Variants in RALGAPA1 observed in about 807,000 individuals in gnomAD.
RALGAPA1 encodes ral GTPase-activating protein subunit alpha-1.
In RALGAPA1, 52 loss-of-function variants were observed where a neutral mutation model predicts 269.6. The ratio of observed to expected loss-of-function variants is 0.19; its 90% CI spans 0.15 to 0.24. The LOEUF is 0.24. Among genes scored for constraint, RALGAPA1 ranks in the 10% least tolerant of loss-of-function variants. RALGAPA1 has a pLI of 1.00. For missense variants in RALGAPA1, 1,917 were observed against 3,013.9 expected, an observed-to-expected ratio of 0.64 and a Z score of 8.52; for synonymous variants, 817 against 1,008.3, an observed-to-expected ratio of 0.81 and a Z score of 3.60.
intron 26 of RALGAPA1, among the ~76,000 whole-genome samples, chr14:35,667,393 T>A (rs1205219789): frequency 6.6e-6 from 1 of 152,048 alleles, no homozygotes; most frequent in Non-Finnish European, 1.5e-5. Context: ...CGAGACTCCA[T>A]CTCAAACAAC....
At chr14:35,638,023 T>C (rs1364650683) in intron 31 of RALGAPA1, among the ~76,000 whole-genome samples, 5 of 152,160 alleles carry the variant, frequency 3.3e-5, no homozygotes. Flanking sequence ...AAACAAAAGC[T>C]GAGGGATTTC....
At chr14:35,730,649 G>A (rs965181659) in intron 12 of RALGAPA1, among the ~76,000 whole-genome samples, 1 of 149,538 alleles carries the variant, frequency 6.7e-6, no homozygotes, top group African/African-American at 2.4e-5. Flanking sequence ...TAACTCAGCA[G>A]AGGCAGCCAT....
intron 13 of RALGAPA1, among the ~76,000 whole-genome samples, chr14:35,725,701 C>CAAA (rs766400524): frequency 7.5e-6 from 1 of 133,616 alleles, no homozygotes; most frequent in East Asian, 2.1e-4. Flanking sequence ...CCTTGTCTCT[C>CAAA]AAAAAAAAAA....
intron 4 of RALGAPA1, 79 bp downstream of exon 4, chr14:35,770,863 C>T: frequency 4.2e-6 from 2 of 481,154 alleles, no homozygotes; most frequent in Non-Finnish European, 7.3e-6. Context: ...TAATTCATTT[C>T]AACTAACAAC....
chr14:35,625,117 C>T (rs978877996), intron 35 of RALGAPA1, among the ~76,000 whole-genome samples: 3 of 131,110 alleles, frequency 2.3e-5, no homozygotes, highest in Admixed American at 8.5e-5. Flanking sequence ...TGCCACTGCA[C>T]TCAAGCCTGG....
In RALGAPA1 at chr14:35,627,411, G is replaced by A. The variant is rs1032114551; in HGVS notation, c.6536C>T (p.Thr2179Ile). 4 of 1,614,044 alleles carry A rather than the reference G, an allele frequency of 2.5e-6. No homozygotes were observed. The part of the protein sequence containing the change: ...RFRETVPTWD[T>I]IRDEEDVLDE... ...AAGAACATCTTCTTCATCTCTTATT[G>A]TATCCCAAGTTGGTACAGTTTCTCT... Residue 2179 changes from threonine (T) to isoleucine (I), a missense_variant, in exon 34 of 42, where the codon ACA becomes ATA. Thr to Ile is a moderately conservative substitution (Grantham distance 89, BLOSUM62 -1). Around this residue, in one of 11 missense-constraint regions of RALGAPA1, gnomAD observed 132 missense variants for 271.2 expected, o/e 0.49. Transcript: ENST00000680220.
At chr14:35,588,087 A>G (rs1174956494) in intron 37 of RALGAPA1, among the ~76,000 whole-genome samples, 1 of 152,084 alleles carries the variant, frequency 6.6e-6, no homozygotes, top group Non-Finnish European at 1.5e-5. Flanking sequence ...TTGAATTTTT[A>G]GTAAAGACGG....
chr14:35,772,082 G>A (rs1318847381), intron 3 of RALGAPA1, among the ~76,000 whole-genome samples: 1 of 152,028 alleles, frequency 6.6e-6, no homozygotes, highest in South Asian at 2.1e-4. Context: ...AGAGGTGGGG[G>A]TTTCACCCTT....
intron 1 of RALGAPA1, among the ~76,000 whole-genome samples, chr14:35,795,221 A>G (rs1319909767): frequency 6.6e-6 from 1 of 152,134 alleles, no homozygotes; most frequent in Non-Finnish European, 1.5e-5. Flanking sequence ...GTGAGGAGAA[A>G]GCAAATCCAG....
intron 14 of RALGAPA1, among the ~76,000 whole-genome samples, chr14:35,724,189 G>C (rs1297704852): frequency 2.0e-5 from 3 of 152,104 alleles, no homozygotes; most frequent in South Asian, 2.1e-4. Context: ...GGAGAAACCT[G>C]AATGAAAAAA....
At chr14:35,765,297 T>A (rs2074055380) in intron 4 of RALGAPA1, among the ~76,000 whole-genome samples, 1 of 152,148 alleles carries the variant, frequency 6.6e-6, no homozygotes, top group Admixed American at 6.6e-5. Flanking sequence ...GTCCGATTTG[T>A]TATTCTTCCA....
chr14:35,650,261 T>C (rs2062728699), intron 31 of RALGAPA1, among the ~76,000 whole-genome samples: 1 of 151,948 alleles, frequency 6.6e-6, no homozygotes, highest in African/African-American at 2.4e-5. Flanking sequence ...GGTGTACACC[T>C]GTAATCCCAG....
rs1409771018 is a variant in RALGAPA1 at position 35,760,937 on chromosome 14, G to A, written c.439C>T (p.Gln147Ter). ...QALQNNCSKEQLWMFSCLIPG... is the reference protein window; with the variant it reads ...QALQNNCSKE ...ATTAAGCATGAAAACATCCAGAGCT[G>A]TTCTTTGCTACAGTTATTCTGAAGA... The change falls in exon 6 of 42, where the codon CAG (glutamine) becomes TAG (stop). Residue 147 changes from glutamine to a stop codon, truncating the protein, a stop_gained. Transcript: ENST00000680220. LOFTEE classifies it high-confidence loss of function. 6.2e-7 allele frequency: 1 copy of A among 1,610,830 alleles called. No homozygotes were observed. Among genetic ancestry groups the A allele is most frequent in the Non-Finnish European group, 8.5e-7 (1 of 1,177,346 alleles).
intron 4 of RALGAPA1, among the ~76,000 whole-genome samples, chr14:35,765,554 G>T (rs1447889749): frequency 6.6e-6 from 1 of 152,144 alleles, no homozygotes; most frequent in Non-Finnish European, 1.5e-5. Flanking sequence ...AGGCTGGAGT[G>T]CAGTGGCACA....
At chr14:35,560,330 A>AGTAC (rs1216103353) in intron 39 of RALGAPA1, among the ~76,000 whole-genome samples, 1 of 152,200 alleles carries the variant, frequency 6.6e-6, no homozygotes, top group Non-Finnish European at 1.5e-5. Flanking sequence ...ATCATCCAGC[A>AGTAC]GTACTGAACA....
intron 10 of RALGAPA1, among the ~76,000 whole-genome samples, chr14:35,745,148 C>A (rs1396335748): frequency 6.6e-6 from 1 of 151,984 alleles, no homozygotes; most frequent in African/African-American, 2.4e-5. Flanking sequence ...TGTATAAAAC[C>A]AGAGTGATAA....
chr14:35,782,897 C>T (rs8019305), intron 1 of RALGAPA1, among the ~76,000 whole-genome samples: 3,297 of 151,962 alleles, frequency 0.022, 119 homozygotes, highest in African/African-American at 0.075. Context: ...TCACAGTTCA[C>T]TGCAGCCTCA....
intron 28 of RALGAPA1, among the ~76,000 whole-genome samples, chr14:35,656,575 A>G (rs1322266581): frequency 6.6e-6 from 1 of 152,180 alleles, no homozygotes; most frequent in African/African-American, 2.4e-5. Flanking sequence ...TTCTGATAAA[A>G]TGTATAATGG....
intron 33 of RALGAPA1, among the ~76,000 whole-genome samples, chr14:35,630,144 C>T (rs138840427): frequency 5.3e-5 from 8 of 152,302 alleles, no homozygotes; most frequent in African/African-American, 1.7e-4. Flanking sequence ...GATGTTAATA[C>T]CATCTTCTCC....
Sources: gnomAD v4.1 joint callset for allele counts (sites outside exome capture counted in the v4.1 genomes callset) on GRCh38, gnomAD v4.1.1 for gene constraint, gnomAD v4.1.1 regional missense constraint, MANE v1.5 for transcripts, NCBI Gene and HGNC (gene_info 2026-07-23, HGNC 2026-07-21) for gene names.